MAPK10: variants seen among roughly 807,000 people sequenced by gnomAD.
MAPK10 encodes the protein mitogen-activated protein kinase 10.
In MAPK10, 25 loss-of-function variants were observed where a neutral mutation model predicts 59.3. The ratio of observed to expected loss-of-function variants is 0.42; its 90% confidence interval spans 0.31 to 0.59. MAPK10 has a LOEUF of 0.59. MAPK10 is among the 20% of genes least tolerant of loss of function. The probability of loss-of-function intolerance (pLI) is 0.15; values close to 1 mark genes in which losing one functional copy is unlikely to be tolerated. For missense variants in MAPK10, 351 were observed against 568.9 expected (o/e 0.62, Z 3.90); for synonymous variants, 190 against 200.5 (o/e 0.95, Z 0.44).
intron 2 of MAPK10, among the ~76,000 whole-genome samples, chr4:86,299,134 G>GT (rs2095422731): frequency 6.6e-6 from 1 of 152,064 alleles, no homozygotes; most frequent in Non-Finnish European, 1.5e-5. Context: ...AAGGAATTTT[G>GT]TTTTTCAGAA....
chr4:86,255,875 G>A (rs2093687201), intron 2 of MAPK10, among the ~76,000 whole-genome samples: 1 of 152,064 alleles, frequency 6.6e-6, no homozygotes, highest in Non-Finnish European at 1.5e-5. Flanking sequence ...GGTTCCTTAA[G>A]AATGGAGAAT....
intron 2 of MAPK10, among the ~76,000 whole-genome samples, chr4:86,335,396 C>A (rs1720592796): frequency 6.6e-6 from 1 of 152,184 alleles, no homozygotes; most frequent in Non-Finnish European, 1.5e-5. Context: ...AATTTAAAAT[C>A]TGTCTGTAAT....
At chr4:86,470,046 G>A (rs1278483196) in intron 1 of MAPK10, among the ~76,000 whole-genome samples, 1 of 152,166 alleles carries the variant, frequency 6.6e-6, no homozygotes, top group Non-Finnish European at 1.5e-5. Context: ...AAATCCTTTA[G>A]ACCAAAAGTA....
At chr4:86,525,768 T>G (rs966911665) in intron 1 of MAPK10, among the ~76,000 whole-genome samples, 5 of 152,206 alleles carry the variant, frequency 3.3e-5, no homozygotes, top group Admixed American at 1.3e-4. Context: ...CAATTTTATG[T>G]GAATAAACAA....
chr4:86,108,877 T>A (rs2056988341), intron 4 of MAPK10, among the ~76,000 whole-genome samples: 1 of 152,184 alleles, frequency 6.6e-6, no homozygotes, highest in South Asian at 2.1e-4. Flanking sequence ...CTCTTAACTC[T>A]TAGCTTTTAG....
At chr4:86,021,397 A>T (rs1746752335) in intron 13 of MAPK10, among the ~76,000 whole-genome samples, 3 of 152,074 alleles carry the variant, frequency 2.0e-5, no homozygotes, top group Admixed American at 2.0e-4. Flanking sequence ...CCAAGGCCCC[A>T]CCAGAGCAGC....
intron 1 of MAPK10, among the ~76,000 whole-genome samples, chr4:86,468,916 G>T (rs1437963307): frequency 1.3e-5 from 2 of 152,088 alleles, no homozygotes; most frequent in African/African-American, 4.8e-5. Flanking sequence ...CATAGCAACT[G>T]TGTAGTAGAG....
chr4:86,310,919 T>C (rs945829070), intron 2 of MAPK10, among the ~76,000 whole-genome samples: 2 of 152,050 alleles, frequency 1.3e-5, no homozygotes, highest in African/African-American at 4.8e-5. Context: ...AACATTACTT[T>C]TAAGATGGGC....
intron 1 of MAPK10, among the ~76,000 whole-genome samples, chr4:86,502,774 T>G (rs1755423649): frequency 6.6e-6 from 1 of 152,112 alleles, no homozygotes; most frequent in Non-Finnish European, 1.5e-5. Context: ...ACTCCCACAT[T>G]TCAGTCAACG....
chr4:86,232,709 A>G (rs1220598225), intron 2 of MAPK10, among the ~76,000 whole-genome samples: 2 of 152,274 alleles, frequency 1.3e-5, no homozygotes, highest in East Asian at 3.9e-4. Flanking sequence ...TTTATGTTTA[A>G]CCAAATTCAA....
At chr4:86,121,636 T>C (rs2059266659) in intron 4 of MAPK10, among the ~76,000 whole-genome samples, 1 of 152,156 alleles carries the variant, frequency 6.6e-6, no homozygotes, top group Non-Finnish European at 1.5e-5. Context: ...GTATAAACCA[T>C]CATATTTTGA....
At chr4:86,114,097 CT>C (rs546141803) in intron 4 of MAPK10, among the ~76,000 whole-genome samples, 196 of 152,280 alleles carry the variant, frequency 1.3e-3, no homozygotes, top group African/African-American at 4.6e-3. Context: ...ACTGGTTATT[CT>C]AGTTAACAGC....
chr4:86,056,631 A>G (rs187129881), intron 11 of MAPK10, among the ~76,000 whole-genome samples: 1 of 150,200 alleles, frequency 6.7e-6, no homozygotes, highest in East Asian at 1.9e-4. Context: ...TAGCTTTTAC[A>G]GTAAAAATGT....
At chr4:86,507,421 A>G (rs966601686) in intron 1 of MAPK10, among the ~76,000 whole-genome samples, 1 of 151,270 alleles carries the variant, frequency 6.6e-6, no homozygotes, top group African/African-American at 2.4e-5. Context: ...GGCAATAATC[A>G]TTATCCACCA....
chr4:86,394,219 A>G (rs192592422), intron 1 of MAPK10, among the ~76,000 whole-genome samples: 34 of 152,224 alleles, frequency 2.2e-4, no homozygotes, highest in African/African-American at 7.9e-4. Context: ...CAGTGAGCCC[A>G]GATCGCGCCA....
intron 1 of MAPK10, among the ~76,000 whole-genome samples, chr4:86,432,086 T>G (rs1479683574): frequency 6.6e-6 from 1 of 152,130 alleles, no homozygotes; most frequent in Non-Finnish European, 1.5e-5. Context: ...CTGATTTCTG[T>G]GTAGCCCCTA....
At chr4:86,233,310 G>A (rs558542554) in intron 2 of MAPK10, among the ~76,000 whole-genome samples, 6 of 152,206 alleles carry the variant, frequency 3.9e-5, no homozygotes, top group African/African-American at 1.2e-4. Context: ...ATTCAGTGAC[G>A]TCAGAATAAA....
intron 1 of MAPK10, among the ~76,000 whole-genome samples, chr4:86,403,679 G>T (rs1383485149): frequency 6.6e-6 from 1 of 152,154 alleles, no homozygotes; most frequent in Non-Finnish European, 1.5e-5. Context: ...TTCACAGGCG[G>T]CAGGAGAGAG....
intron 2 of MAPK10, among the ~76,000 whole-genome samples, chr4:86,212,836 A>G (rs1161747437): frequency 6.6e-6 from 1 of 152,166 alleles, no homozygotes; most frequent in Non-Finnish European, 1.5e-5. Context: ...ACAAATACAA[A>G]TTATATGTAA....
Sources: allele counts gnomAD v4.1 joint callset (sites outside exome capture counted in the v4.1 genomes callset), GRCh38; gene constraint gnomAD v4.1.1; transcripts MANE v1.5; gene names NCBI Gene and HGNC (gene_info 2026-07-23, HGNC 2026-07-21).